CHODL: variants seen among roughly 807,000 people sequenced by gnomAD.
The protein encoded by CHODL is transmembrane protein MT75.
CHODL carries 29 observed loss-of-function variants against 34.5 expected under a neutral mutation model. That is an observed-to-expected ratio of 0.84 (90% CI 0.63 to 1.15). The LOEUF (loss-of-function observed/expected upper bound fraction) is 1.15. Ranked by LOEUF, CHODL falls within the 50% of genes most tolerant of loss-of-function variation. The probability of loss-of-function intolerance (pLI) is 0.00; values close to 1 mark genes in which losing one functional copy is unlikely to be tolerated. For synonymous variants in CHODL, 125 were observed against 116.1 expected, an observed-to-expected ratio of 1.08 and a Z score of -0.49; for missense variants, 332 against 332.5, an observed-to-expected ratio of 1.00 and a Z score of 0.01.
intron 2 of CHODL, among the ~76,000 whole-genome samples, chr21:18,192,128 C>T (rs1288987353): frequency 2.0e-5 from 3 of 152,180 alleles, no homozygotes; most frequent in Non-Finnish European, 2.9e-5. Flanking sequence ...CTTCTCAACA[C>T]AAGCTTATGG....
At chr21:18,190,625 C>T (rs2824701) in intron 2 of CHODL, among the ~76,000 whole-genome samples, 13,697 of 152,030 alleles carry the variant, frequency 0.09, 724 homozygotes, top group East Asian at 0.14. Context: ...TGGTGAGAAC[C>T]CACTAATGGT....
chr21:18,109,648 G>A (rs2065322781), intron 2 of CHODL, among the ~76,000 whole-genome samples: 1 of 151,990 alleles, frequency 6.6e-6, no homozygotes, highest in South Asian at 2.1e-4. Flanking sequence ...TCTTTCTGGA[G>A]ATTCAGCAAA....
chr21:18,056,242 T>G (rs2064578392), intron 2 of CHODL, among the ~76,000 whole-genome samples: 1 of 152,074 alleles, frequency 6.6e-6, no homozygotes, highest in African/African-American at 2.4e-5. Flanking sequence ...CAGTGTTTAT[T>G]GTTTCTTGTG....
At chr21:18,105,469 A>G (rs2065262345) in intron 2 of CHODL, among the ~76,000 whole-genome samples, 1 of 152,150 alleles carries the variant, frequency 6.6e-6, no homozygotes, top group Non-Finnish European at 1.5e-5. Flanking sequence ...TAAGTCAGTC[A>G]AAGTTGGATT....
chr21:18,200,254 T>C (rs2073636726), intron 2 of CHODL, among the ~76,000 whole-genome samples: 1 of 152,162 alleles, frequency 6.6e-6, no homozygotes, highest in Non-Finnish European at 1.5e-5. Context: ...ATACAAAAAG[T>C]AAAAATTGTA....
intron 2 of CHODL, among the ~76,000 whole-genome samples, chr21:18,047,840 T>C (rs1047313483): frequency 1.3e-5 from 2 of 151,972 alleles, no homozygotes; most frequent in Admixed American, 6.6e-5. Context: ...TTGGCAGATA[T>C]TGACTATGAG....
intron 2 of CHODL, among the ~76,000 whole-genome samples, chr21:18,198,768 T>G (rs924130844): frequency 6.6e-6 from 1 of 152,128 alleles, no homozygotes; most frequent in Non-Finnish European, 1.5e-5. Flanking sequence ...ATAAAGGAAG[T>G]AATTACATCA....
intron 2 of CHODL, among the ~76,000 whole-genome samples, chr21:18,107,674 C>G (rs953770715): frequency 1.3e-5 from 2 of 152,160 alleles, no homozygotes; most frequent in African/African-American, 2.4e-5. Context: ...GAAGTTTCCT[C>G]CCACTGGGTA....
chr21:18,127,672 G>GTTTTTTTTTTTT lies in CHODL; in HGVS notation c.-45+99719_-45+99730dup, dbSNP rs71318127. On this transcript the variant is annotated intron_variant, in intron 2 of 6. Coordinates refer to the CHODL transcript ENST00000400127. ...TTACATAACCAGTTGCGTTGCCATT[G>GTTTTTTTTTTTT]TTTTTTTTTTTTTTTTTTTTTTTTT... 3.9e-4 allele frequency among the ~76,000 whole-genome samples: 27 copies of GTTTTTTTTTTTT among 70,044 alleles called. 2 individuals carry two copies. Among genetic ancestry groups the GTTTTTTTTTTTT allele is most frequent in the African/African-American group, 5.8e-4 (11 of 18,924 alleles). 46.0% of individuals were successfully genotyped at this position (70,044 alleles called of 152,430 possible). A position where few individuals can be genotyped will look rare whatever the true frequency, so the allele number is the denominator to read the frequency against.
At chr21:17,973,417 C>CTTTTTTTTTTTTT (rs3077803) in intron 1 of CHODL, among the ~76,000 whole-genome samples, 2 of 123,494 alleles carry the variant, frequency 1.6e-5, no homozygotes, top group Non-Finnish European at 1.6e-5. Context: ...TTCTTTCTTT[C>CTTTTTTTTTTTTT]TTTTTTTTTT....
Position 18,084,919 on chromosome 21 carries a change from TAGTGTGTG to T in CHODL, c.-45+56949_-45+56956del, listed in dbSNP as rs1447134765. ...CTATCTCTTTTGTTAGGTCTAGTAA[TAGTGTGTG>T]TGTGTGTGTGTGTGTGTGTGTGTGT... On this transcript the variant is annotated intron_variant, in intron 2 of 6. Transcript: ENST00000400127. 5.5e-3 allele frequency among the ~76,000 whole-genome samples: 705 copies of T among 128,160 alleles called. 3 individuals are homozygous for T. The highest frequency in any genetic ancestry group is 7.5e-3 in the Middle Eastern group (2 of 268). 84.1% of individuals were successfully genotyped at this position (128,160 alleles called of 152,430 possible).
intron 1 of CHODL, among the ~76,000 whole-genome samples, chr21:17,989,378 A>G (rs1235685663): frequency 6.6e-6 from 1 of 152,182 alleles, no homozygotes; most frequent in Admixed American, 6.5e-5. Context: ...AAAATTTCAT[A>G]GTTTTATCTA....
At chr21:17,992,718 GTTTTTTTTTT>G (rs869044440) in intron 1 of CHODL, among the ~76,000 whole-genome samples, 7 of 57,228 alleles carry the variant, frequency 1.2e-4, no homozygotes, top group African/African-American at 4.6e-4. Flanking sequence ...TGGTGGAGTT[GTTTTTTTTTT>G]TTTTTTTTTT....
At chr21:18,265,912 A>G (rs2074454277) in intron 5 of CHODL, 42 bp from the exon 6 acceptor site, 1 of 1,547,010 alleles carries the variant, frequency 6.5e-7, no homozygotes, top group African/African-American at 1.4e-5. Flanking sequence ...TTAGTTTAAT[A>G]AGAAATTTTA....
At chr21:18,089,657 C>G (rs1208818684) in intron 2 of CHODL, among the ~76,000 whole-genome samples, 2 of 152,168 alleles carry the variant, frequency 1.3e-5, no homozygotes, top group African/African-American at 4.8e-5. Flanking sequence ...TTTTTACTTT[C>G]TGCTTCAAGA....
chr21:18,185,598 C>T (rs1318404288), intron 2 of CHODL, among the ~76,000 whole-genome samples: 1 of 152,200 alleles, frequency 6.6e-6, no homozygotes, highest in Non-Finnish European at 1.5e-5. Context: ...AGTCAGGCTC[C>T]TTCAGTTGCA....
At chr21:18,182,116 C>T (rs2073388942) in intron 2 of CHODL, among the ~76,000 whole-genome samples, 1 of 152,114 alleles carries the variant, frequency 6.6e-6, no homozygotes, top group Non-Finnish European at 1.5e-5. Context: ...TATGTTCATG[C>T]TGTTTATTTA....
intron 2 of CHODL, among the ~76,000 whole-genome samples, chr21:18,167,315 T>TTTTC (rs2073170046): frequency 6.8e-6 from 1 of 147,432 alleles, no homozygotes; most frequent in African/African-American, 2.5e-5. Context: ...TAAGATTTTT[T>TTTTC]TTTTTTTTTT....
intron 2 of CHODL, among the ~76,000 whole-genome samples, chr21:18,221,826 G>A (rs761856340): frequency 2.0e-5 from 3 of 152,202 alleles, no homozygotes; most frequent in Non-Finnish European, 4.4e-5. Context: ...CTCTGAGCAG[G>A]GTGCACAGAC....
Sources: gnomAD v4.1 joint callset for allele counts (sites outside exome capture counted in the v4.1 genomes callset) on GRCh38, gnomAD v4.1.1 for gene constraint, MANE v1.5 for transcripts, NCBI Gene and HGNC (gene_info 2026-07-23, HGNC 2026-07-21) for gene names.